Variants in PATJ observed in about 807,000 individuals in gnomAD.
PATJ encodes the protein PATJ crumbs cell polarity complex component, also known as inaD-like protein.
PATJ carries 190 observed loss-of-function variants against 224.9 expected under a neutral mutation model. That is an observed-to-expected ratio of 0.84 (90% confidence interval 0.75 to 0.95). The LOEUF (loss-of-function observed/expected upper bound fraction) is 0.95, where lower values mean the gene tolerates loss of function less well. PATJ is among the 40% of genes least tolerant of loss of function. The pLI is 0.00. For missense variants in PATJ, 2,121 were observed against 2,270.3 expected (o/e 0.93, Z 1.34); for synonymous variants, 769 against 820.3 (o/e 0.94, Z 1.07).
chr1:62,146,394 A>G (rs983537868), intron 41 of PATJ, among the ~76,000 whole-genome samples: 2 of 152,186 alleles, frequency 1.3e-5, no homozygotes, highest in South Asian at 2.1e-4. Flanking sequence ...AATCTGCTCC[A>G]TTGTAACAGA....
intron 33 of PATJ, among the ~76,000 whole-genome samples, chr1:62,087,770 A>G (rs1484422647): frequency 2.6e-5 from 4 of 151,822 alleles, no homozygotes; most frequent in Non-Finnish European, 5.9e-5. Context: ...TCTGGAGTTC[A>G]TGAAAATTTA....
At chr1:61,922,309 G>T (rs1009396752) in intron 26 of PATJ, among the ~76,000 whole-genome samples, 2 of 152,046 alleles carry the variant, frequency 1.3e-5, no homozygotes, top group Non-Finnish European at 2.9e-5. Flanking sequence ...CCTCCCAAAG[G>T]CTGGAATTAT....
chr1:61,944,087 C>T (rs762783510), intron 27 of PATJ, among the ~76,000 whole-genome samples: 1 of 152,104 alleles, frequency 6.6e-6, no homozygotes, highest in African/African-American at 2.4e-5. Context: ...CATCAGGGAC[C>T]AAAGGTAGAT....
At chr1:62,128,371 A>C in intron 40 of PATJ, 1 of 341,368 alleles carries the variant, frequency 2.9e-6, no homozygotes, top group Non-Finnish European at 5.3e-6. Context: ...CATTCCACCC[A>C]AAATCAGCTC....
intron 33 of PATJ, among the ~76,000 whole-genome samples, chr1:62,087,977 C>T (rs1243416636): frequency 6.6e-6 from 1 of 151,694 alleles, no homozygotes; most frequent in African/African-American, 2.4e-5. Flanking sequence ...CCGCAACCTC[C>T]GCCTCCCGGG....
At chr1:61,775,100 T>C in intron 6 of PATJ, 106 bp from the exon 7 acceptor site, 1 of 1,146,324 alleles carries the variant, frequency 8.7e-7, no homozygotes, top group Non-Finnish European at 1.2e-6. Context: ...ATTGCATGAA[T>C]GTTCAATTTG....
intron 42 of PATJ, 86 bp from the exon 43 acceptor site, chr1:62,153,270 GTC>G (rs1355086853): frequency 5.9e-6 from 6 of 1,019,824 alleles, no homozygotes; most frequent in Non-Finnish European, 5.0e-6. Context: ...CAGTATGAAA[GTC>G]TCTCTCAAAT....
chr1:61,848,731 T>C (rs1267070113), intron 17 of PATJ, among the ~76,000 whole-genome samples: 1 of 152,192 alleles, frequency 6.6e-6, no homozygotes, highest in Admixed American at 6.6e-5. Flanking sequence ...AACTTAATGG[T>C]TTCTTTCTGC....
intron 15 of PATJ, among the ~76,000 whole-genome samples, chr1:61,824,116 A>G (rs990710873): frequency 6.6e-6 from 1 of 152,184 alleles, no homozygotes; most frequent in Non-Finnish European, 1.5e-5. Context: ...TGTGGATATC[A>G]TACATGATCA....
rs774803239 is a variant in PATJ at position 62,114,225 on chromosome 1, G to T, written c.4634G>T (p.Gly1545Val). Reference protein sequence around the residue: ...DLQKKAGRGLGLSIVGKRNGS... With the variant: ...DLQKKAGRGLVLSIVGKRNGS... ...CAGAAGAAAGCTGGCCGGGGCCTGG[G>T]CCTGAGCATCGTTGGGAAACGGTAA... Residue 1545 changes from glycine (G) to valine (V), a missense_variant, in exon 35 of 44, where the codon GGC becomes GTC. Transcript: ENST00000642238. The T allele has an allele frequency of 2.2e-5, 36 of 1,613,980 alleles. No homozygotes were observed. The Admixed American group carries it at 2.5e-4, about 11-fold the overall frequency.
At chr1:62,148,141 A>AAAAAAAAAATT in intron 41 of PATJ, 143 bp from the exon 42 acceptor site, 1 of 471,914 alleles carries the variant, frequency 2.1e-6, no homozygotes, top group Non-Finnish European at 3.9e-6. Context: ...AAAAAAAAAA[A>AAAAAAAAAATT]GTTTGAGAGA....
chr1:61,868,669 G>A (rs1019884324), intron 20 of PATJ, among the ~76,000 whole-genome samples: 1 of 152,010 alleles, frequency 6.6e-6, no homozygotes, highest in Non-Finnish European at 1.5e-5. Context: ...CATGCCTGTG[G>A]TTCCAGCTAC....
intron 29 of PATJ, among the ~76,000 whole-genome samples, chr1:62,021,553 T>C (rs927730785): frequency 6.6e-6 from 1 of 151,846 alleles, no homozygotes; most frequent in African/African-American, 2.4e-5. Flanking sequence ...TCAACAATTA[T>C]AGTAAGTTCG....
chr1:61,809,928 C>G (rs1352599741), intron 14 of PATJ, among the ~76,000 whole-genome samples: 3 of 151,660 alleles, frequency 2.0e-5, no homozygotes, highest in Non-Finnish European at 2.9e-5. Flanking sequence ...TCATTGCAAC[C>G]TTCGCCTCCT....
At chr1:62,044,806 A>T (rs1337786060) in intron 30 of PATJ, among the ~76,000 whole-genome samples, 5 of 152,216 alleles carry the variant, frequency 3.3e-5, no homozygotes, top group Admixed American at 3.3e-4. Context: ...AGAAGAAAGA[A>T]ATTCAGTTTG....
rs753746478 is a variant in PATJ, at chr1:61,751,001, CT to C, written c.-36+8462del. Among the ~76,000 whole-genome samples, 534 of 137,832 alleles carry C rather than the reference CT, an allele frequency of 3.9e-3. 2 individuals are homozygous for C. Among genetic ancestry groups the C allele is most frequent in the Middle Eastern group, 0.011 (3 of 264 alleles). The allele number at this position is 137,832 out of a possible 152,430, so 90.4% of individuals were successfully genotyped here. The stretch of plus-strand genomic sequence containing the variant: ...CCTTTCCCTTTTCTATTTTATTTTA[CT>C]TTTTTTTTTTTTTTTGAGATGGAGT... On this transcript the variant is annotated intron_variant, in intron 1 of 43. Transcript: ENST00000642238.
intron 27 of PATJ, among the ~76,000 whole-genome samples, chr1:61,981,768 T>C (rs1423607318): frequency 6.6e-6 from 1 of 151,722 alleles, no homozygotes; most frequent in African/African-American, 2.4e-5. Context: ...GCCTCCCAGA[T>C]TCAAGCGATT....
At chr1:61,825,123 T>C (rs1443822312) in intron 15 of PATJ, among the ~76,000 whole-genome samples, 1 of 152,228 alleles carries the variant, frequency 6.6e-6, no homozygotes, top group Admixed American at 6.5e-5. Context: ...CTTCACTATG[T>C]GCTTGTAAGG....
intron 27 of PATJ, among the ~76,000 whole-genome samples, chr1:61,978,570 T>G (rs1328750465): frequency 1.3e-5 from 2 of 152,118 alleles, no homozygotes; most frequent in Non-Finnish European, 2.9e-5. Context: ...CAGCCTGTGC[T>G]GTTTCTTCTG....
Sources: gnomAD v4.1 joint callset for allele counts (sites outside exome capture counted in the v4.1 genomes callset) on GRCh38, gnomAD v4.1.1 for gene constraint, MANE v1.5 for transcripts, NCBI Gene and HGNC (gene_info 2026-07-23, HGNC 2026-07-21) for gene names.